The following DAPL1 variants were observed in gnomAD, a reference collection of about 807,000 sequenced individuals.
DAPL1 encodes the protein death associated protein like 1, also known as death-associated protein-like 1.
In DAPL1, 17 loss-of-function variants were observed where a neutral mutation model predicts 12.9. That is an observed-to-expected ratio of 1.32 (90% CI 0.90 to 1.98). DAPL1 has a LOEUF of 1.98. Ranked by LOEUF, DAPL1 falls within the 30% of genes most tolerant of loss-of-function variation. The probability of loss-of-function intolerance (pLI) is 0.00; values close to 1 mark genes in which losing one functional copy is unlikely to be tolerated. For missense variants in DAPL1, 157 were observed against 125.7 expected (o/e 1.25, Z -1.19); for synonymous variants, 51 against 42.0 (o/e 1.21, Z -0.82).
At chr2:158,801,795 T>A (rs2059169303) in intron 1 of DAPL1, among the ~76,000 whole-genome samples, 1 of 152,164 alleles carries the variant, frequency 6.6e-6, no homozygotes, top group Non-Finnish European at 1.5e-5. Flanking sequence ...AGCAAATTTC[T>A]GACTGGCAAA....
At chr2:158,801,808 C>T (rs982138507) in intron 1 of DAPL1, among the ~76,000 whole-genome samples, 2 of 152,100 alleles carry the variant, frequency 1.3e-5, no homozygotes, top group African/African-American at 4.8e-5. Context: ...CTGGCAAAAA[C>T]ATTATCAATA....
rs929860195 is a variant in DAPL1 at position 158,815,788 on chromosome 2, G to A, written c.291G>A (p.Arg97=). ...PALEKVVPLK[R]IYIIQQPRKC ...TGGAAAAGGTTGTTCCACTGAAAAG[G>A]ATCTACATTATTCAGCAGCCTCGAA... is the stretch of plus-strand genomic sequence containing the variant. The change falls in exon 4 of 4, where the codon AGG becomes AGA. Residue 97 remains arginine (R), a synonymous_variant. Coordinates refer to ENST00000309950, the MANE Select transcript of DAPL1 (RefSeq NM_001017920.3). 1.9e-6 allele frequency: 3 copies of A among 1,613,778 alleles called. No homozygotes were observed. Among genetic ancestry groups the A allele is most frequent in the East Asian group, 2.2e-5 (1 of 44,882 alleles).
intron 1 of DAPL1, among the ~76,000 whole-genome samples, chr2:158,796,463 G>A (rs1210608410): frequency 6.6e-6 from 1 of 152,130 alleles, no homozygotes; most frequent in Non-Finnish European, 1.5e-5. Flanking sequence ...AGACATCTTG[G>A]TCTGATCTCC....
chr2:158,801,520 G>C (rs970005854), intron 1 of DAPL1, among the ~76,000 whole-genome samples: 1 of 151,958 alleles, frequency 6.6e-6, no homozygotes. Context: ...TTTCATTTTT[G>C]TTGCAGATTA....
chr2:158,813,607 G>A (rs559517396), intron 3 of DAPL1, among the ~76,000 whole-genome samples: 6 of 144,576 alleles, frequency 4.2e-5, no homozygotes, highest in African/African-American at 1.6e-4. Flanking sequence ...CCAGGCTGGA[G>A]TGCAGTGACC....
intron 3 of DAPL1, among the ~76,000 whole-genome samples, chr2:158,813,751 T>C (rs1047543935): frequency 6.6e-6 from 1 of 152,094 alleles, no homozygotes; most frequent in Non-Finnish European, 1.5e-5. Context: ...GAGATGGGGT[T>C]TCACCGTGTT....
rs758214641 is a variant in DAPL1 at position 158,796,414 on chromosome 2, G to A, written c.58+984G>A. On this transcript the variant is annotated intron_variant, in intron 1 of 3. Coordinates refer to ENST00000309950, the MANE Select transcript of DAPL1 (RefSeq NM_001017920.3). ...TTCCGGCGGGTAGCCTGGCCAAAAA[G>A]AGTCCAGATTTTACTACTCATTCTG... Among the ~76,000 whole-genome samples the A allele has an allele frequency of 1.3e-4, 20 of 152,302 alleles. No individual in the cohort carries two copies. The South Asian group carries it at 1.7e-3, about 13-fold the overall frequency.
rs544548579 is a variant in DAPL1 at position 158,806,179 on chromosome 2, A to T, written c.147-876A>T. Among the ~76,000 whole-genome samples, 5 of 148,170 alleles carry T rather than the reference A, an allele frequency of 3.4e-5. No homozygotes were observed. In the South Asian group the frequency reaches 8.4e-4, roughly 25 times the overall value. ...TGCTCTAGACCAGAATTTTCCAAAC[A>T]TCATCAATCCATGTCCACTTCCTAA... On this transcript the variant is annotated intron_variant, in intron 2 of 3. Coordinates refer to ENST00000309950, the MANE Select transcript of DAPL1 (RefSeq NM_001017920.3).
chr2:158,800,096 C>A (rs912799711), intron 1 of DAPL1, among the ~76,000 whole-genome samples: 3 of 149,712 alleles, frequency 2.0e-5, no homozygotes, highest in African/African-American at 7.4e-5. Context: ...GCATTTATTT[C>A]TTTGTTAAAT....
intron 3 of DAPL1, among the ~76,000 whole-genome samples, chr2:158,809,593 T>C (rs2059220219): frequency 6.6e-6 from 1 of 152,110 alleles, no homozygotes; most frequent in South Asian, 2.1e-4. Context: ...TCTTTCCTTA[T>C]CTGTAAATGG....
chr2:158,813,014 G>C (rs897247447), intron 3 of DAPL1, among the ~76,000 whole-genome samples: 1 of 134,762 alleles, frequency 7.4e-6, no homozygotes, highest in Non-Finnish European at 1.6e-5. Flanking sequence ...TAGAAAAAAC[G>C]TGGTATATAT....
chr2:158,802,420 T>G (rs1464751066), intron 1 of DAPL1, among the ~76,000 whole-genome samples: 1 of 152,218 alleles, frequency 6.6e-6, no homozygotes, highest in Non-Finnish European at 1.5e-5. Context: ...GATGCTAAGA[T>G]GTTTACAGCT....
At chr2:158,813,033 T>A (rs1027411999) in intron 3 of DAPL1, among the ~76,000 whole-genome samples, 2 of 150,606 alleles carry the variant, frequency 1.3e-5, no homozygotes, top group African/African-American at 2.4e-5. Flanking sequence ...ATATATACAA[T>A]GGAATATTAT....
chr2:158,813,557 CTTTTT>C (rs11355982), intron 3 of DAPL1, among the ~76,000 whole-genome samples: 9,383 of 132,866 alleles, frequency 0.071, 407 homozygotes, highest in Non-Finnish European at 0.097. Context: ...TTTCCTTTTT[CTTTTT>C]TTTTTTTTTT....
chr2:158,813,770 T>G (rs553279546), intron 3 of DAPL1, among the ~76,000 whole-genome samples: 2 of 152,162 alleles, frequency 1.3e-5, no homozygotes, highest in Non-Finnish European at 2.9e-5. Context: ...TTAGCCAGGA[T>G]GGTCTCGATC....
intron 3 of DAPL1, among the ~76,000 whole-genome samples, chr2:158,812,339 C>CCAAAT: frequency 6.6e-6 from 1 of 152,338 alleles, no homozygotes; most frequent in East Asian, 1.9e-4. Flanking sequence ...TGATCTGTGG[C>CCAAAT]ATTCCTCTTC....
chr2:158,800,744 T>G (rs1252009162), intron 1 of DAPL1, among the ~76,000 whole-genome samples: 1 of 152,224 alleles, frequency 6.6e-6, no homozygotes, highest in Non-Finnish European at 1.5e-5. Context: ...GTTCCTCATG[T>G]AGCATGCCTG....
In DAPL1 at chr2:158,807,145, C is replaced by T. The variant is rs373445416; in HGVS notation, c.207+30C>T. On this transcript the variant is annotated intron_variant, in intron 3 of 3. Transcript: ENST00000309950. The stretch of plus-strand genomic sequence containing the variant: ...GCCGTGGGCAAATCACATAGCGCTC[C>T]AAGTCAATCTGCCCAGTGGATCCAG... 55 of 1,571,888 alleles carry T rather than the reference C, an allele frequency of 3.5e-5. No individual in the cohort carries two copies. In the African/African-American group the frequency reaches 7.3e-4, roughly 21 times the overall value.
At chr2:158,815,443 C>T (rs568119527) in intron 3 of DAPL1, among the ~76,000 whole-genome samples, 3 of 152,272 alleles carry the variant, frequency 2.0e-5, no homozygotes, top group Admixed American at 6.5e-5. Flanking sequence ...AGAACTGATG[C>T]AGACATAATT....
Sources: allele counts gnomAD v4.1 joint callset (sites outside exome capture counted in the v4.1 genomes callset), GRCh38; gene constraint gnomAD v4.1.1; transcripts MANE v1.5; gene names NCBI Gene and HGNC (gene_info 2026-07-23, HGNC 2026-07-21).